Variants in DCDC2 observed in about 807,000 individuals in gnomAD.
DCDC2 encodes doublecortin domain containing 2.
In DCDC2, 40 loss-of-function variants were observed where a neutral mutation model predicts 50.2. The ratio of observed to expected loss-of-function variants is 0.80; its 90% CI spans 0.62 to 1.04. The LOEUF (loss-of-function observed/expected upper bound fraction) is 1.04. Ranked by LOEUF, DCDC2 falls within the 50% of genes least tolerant of loss-of-function variation. The probability of loss-of-function intolerance (pLI) is 0.00; values close to 1 mark genes in which losing one functional copy is unlikely to be tolerated. For synonymous variants in DCDC2, 234 were observed against 210.6 expected (o/e 1.11, Z -0.96); for missense variants, 570 against 581.9 (o/e 0.98, Z 0.21).
In DCDC2 at chr6:24,205,108, G is replaced by GA; in HGVS notation, c.923-7dup. 6.2e-7 allele frequency: 1 copy of GA among 1,614,104 alleles called. No individual in the cohort carries two copies. On this transcript the variant is annotated splice_polypyrimidine_tract_variant and splice_region_variant and intron_variant, in intron 7 of 9. Transcript: ENST00000378454. ...AGCTTTGAAAATGCCTTCATCTATTGAGACAAACACACAGTGAAAATCAAA... is the reference window on the plus strand; with the variant it reads ...AGCTTTGAAAATGCCTTCATCTATTGAAGACAAACACACAGTGAAAATCAAA...
intron 7 of DCDC2, among the ~76,000 whole-genome samples, chr6:24,220,907 A>AGAGTGAGCGAGAGAGCGAGCGAGCGAGC (rs1309641752): frequency 7.6e-6 from 1 of 132,008 alleles, no homozygotes; most frequent in African/African-American, 2.7e-5. Context: ...AGCGAGCGAG[A>AGAGTGAGCGAGAGAGCGAGCGAGCGAGC]GAGTGAGCGA....
At chr6:24,346,228 C>G (rs957888717) in intron 2 of DCDC2, among the ~76,000 whole-genome samples, 9 of 151,390 alleles carry the variant, frequency 5.9e-5, no homozygotes, top group Non-Finnish European at 1.0e-4. Context: ...GAACTTCCAA[C>G]TTGTTCTGTA....
chr6:24,178,643 A>T lies in DCDC2; in HGVS notation c.1024-11T>A, dbSNP rs1471459898. On this transcript the variant is annotated splice_polypyrimidine_tract_variant and intron_variant, in intron 8 of 9. Coordinates refer to ENST00000378454, the MANE Select transcript of DCDC2 (RefSeq NM_016356.5). ...TATTTCTGCTGGCCTCTGATGGATC[A>T]AAAGGAATAATGGATAAAAGTAAGA... 1.2e-6 allele frequency: 2 copies of T among 1,607,072 alleles called. No individual in the cohort carries two copies. The highest frequency in any genetic ancestry group is 1.7e-6 in the Non-Finnish European group (2 of 1,177,680).
At chr6:24,200,080 C>T (rs1462596510) in intron 8 of DCDC2, among the ~76,000 whole-genome samples, 1 of 152,156 alleles carries the variant, frequency 6.6e-6, no homozygotes. Context: ...AGTTAGAAAA[C>T]ACTCTTCAGG....
chr6:24,212,504 C>T (rs368543978), intron 7 of DCDC2, among the ~76,000 whole-genome samples: 1 of 152,212 alleles, frequency 6.6e-6, no homozygotes, highest in African/African-American at 2.4e-5. Flanking sequence ...CAGACACCCA[C>T]ACATCTTCCA....
chr6:24,233,313 C>G (rs1177209441), intron 7 of DCDC2, among the ~76,000 whole-genome samples: 2 of 152,206 alleles, frequency 1.3e-5, no homozygotes, highest in African/African-American at 2.4e-5. Context: ...TGGCCTCTAT[C>G]TATTCATATT....
intron 6 of DCDC2, among the ~76,000 whole-genome samples, chr6:24,284,952 AT>A (rs1300121275): frequency 6.6e-6 from 1 of 152,044 alleles, no homozygotes; most frequent in African/African-American, 2.4e-5. Flanking sequence ...TCCCCATAGC[AT>A]TTATCACCAT....
chr6:24,236,304 C>T (rs1352951742), intron 7 of DCDC2, among the ~76,000 whole-genome samples: 3 of 152,256 alleles, frequency 2.0e-5, no homozygotes, highest in Non-Finnish European at 4.4e-5. Flanking sequence ...TGATCTTTGA[C>T]AAAATCAGCA....
At chr6:24,258,150 A>ACAGCT (rs1159023143) in intron 7 of DCDC2, among the ~76,000 whole-genome samples, 1 of 152,174 alleles carries the variant, frequency 6.6e-6, no homozygotes, top group Non-Finnish European at 1.5e-5. Context: ...AGTGAGTATT[A>ACAGCT]CAGCTCCTAA....
chr6:24,233,970 G>T (rs140561859), intron 7 of DCDC2, among the ~76,000 whole-genome samples: 192 of 152,274 alleles, frequency 1.3e-3, no homozygotes, highest in African/African-American at 3.9e-3. Flanking sequence ...ATACCAAAAT[G>T]AGTGAACTGT....
intron 7 of DCDC2, among the ~76,000 whole-genome samples, chr6:24,216,395 A>G (rs978047436): frequency 3.3e-5 from 5 of 152,214 alleles, no homozygotes; most frequent in Non-Finnish European, 7.3e-5. Flanking sequence ...AGGAATAATC[A>G]GTATTAAAGT....
At chr6:24,236,145 G>C (rs1762435954) in intron 7 of DCDC2, among the ~76,000 whole-genome samples, 1 of 151,870 alleles carries the variant, frequency 6.6e-6, no homozygotes, top group Non-Finnish European at 1.5e-5. Flanking sequence ...GCAATCCTAA[G>C]AAAAAGAACA....
chr6:24,228,222 T>C (rs1762271676), intron 7 of DCDC2, among the ~76,000 whole-genome samples: 1 of 152,250 alleles, frequency 6.6e-6, no homozygotes, highest in African/African-American at 2.4e-5. Context: ...TGGAAGGCTC[T>C]TCTTACTGCA....
chr6:24,360,563 A>T (rs1030677880), upstream of DCDC2, among the ~76,000 whole-genome samples: 4 of 152,086 alleles, frequency 2.6e-5, no homozygotes, highest in African/African-American at 9.7e-5. Context: ...TTGTGAGAAT[A>T]GTAACAGCCC....
At chr6:24,225,244 G>T (rs998868619) in intron 7 of DCDC2, among the ~76,000 whole-genome samples, 1 of 152,100 alleles carries the variant, frequency 6.6e-6, no homozygotes, top group Non-Finnish European at 1.5e-5. Flanking sequence ...GGAACTAAAG[G>T]TACCATTTCA....
intron 6 of DCDC2, 41 bp from the exon 7 acceptor site, chr6:24,278,252 A>C: frequency 6.5e-7 from 1 of 1,536,720 alleles, no homozygotes; most frequent in Non-Finnish European, 8.8e-7. Flanking sequence ...TAGCTAATGA[A>C]CTCTCAAAAA....
chr6:24,239,030 T>G (rs1762510772), intron 7 of DCDC2, among the ~76,000 whole-genome samples: 1 of 152,228 alleles, frequency 6.6e-6, no homozygotes, highest in South Asian at 2.1e-4. Context: ...GTGCCTTATC[T>G]GTGGTAGGTT....
intron 7 of DCDC2, among the ~76,000 whole-genome samples, chr6:24,209,641 A>G (rs1267258793): frequency 1.3e-5 from 2 of 152,218 alleles, no homozygotes; most frequent in East Asian, 1.9e-4. Context: ...GAGCATTAGT[A>G]TAATTTTCAA....
chr6:24,224,040 GCA>G (rs1762172601), intron 7 of DCDC2, among the ~76,000 whole-genome samples: 1 of 151,908 alleles, frequency 6.6e-6, no homozygotes, highest in Admixed American at 6.6e-5. Flanking sequence ...CCCACCAGGC[GCA>G]CAGATTCCCG....
Sources: allele counts gnomAD v4.1 joint callset (sites outside exome capture counted in the v4.1 genomes callset), GRCh38; gene constraint gnomAD v4.1.1; transcripts MANE v1.5; gene names NCBI Gene and HGNC (gene_info 2026-07-23, HGNC 2026-07-21).